Variants in PLEKHA6 observed in about 807,000 individuals in gnomAD.
The protein encoded by PLEKHA6 is pleckstrin homology domain-containing family A member 6.
In PLEKHA6, 60 loss-of-function variants were observed where a neutral mutation model predicts 116.7. The observed-to-expected ratio is 0.51, with a 90% confidence interval of 0.42 to 0.64. PLEKHA6 has a LOEUF of 0.64. Among genes scored for constraint, PLEKHA6 ranks in the 30% least tolerant of loss-of-function variants. PLEKHA6 has a pLI of 0.00. For missense variants in PLEKHA6, 1,338 were observed against 1,422.7 expected (o/e 0.94, Z 0.96); for synonymous variants, 489 against 556.1 (o/e 0.88, Z 1.70).
intron 1 of PLEKHA6, chr1:204,313,460 T>C (rs1400965191): frequency 3.5e-6 from 2 of 575,724 alleles, no homozygotes; most frequent in East Asian, 2.8e-4. Context: ...TCCCTGAACA[T>C]AGGGATGACC....
intron 5 of PLEKHA6, among the ~76,000 whole-genome samples, chr1:204,266,806 C>CA (rs1191304773): frequency 6.6e-6 from 1 of 152,202 alleles, no homozygotes; most frequent in African/African-American, 2.4e-5. Flanking sequence ...TCTCATCCCT[C>CA]ACGCCTATTT....
chr1:204,248,756 G>T (rs542565754), intron 12 of PLEKHA6, 65 bp downstream of exon 12: 3 of 1,466,470 alleles, frequency 2.0e-6, no homozygotes, highest in Non-Finnish European at 2.8e-6. Context: ...CACAAGCTGG[G>T]AGGTGGTGGC....
chr1:204,300,168 G>A (rs946358905), intron 1 of PLEKHA6, among the ~76,000 whole-genome samples: 5 of 152,134 alleles, frequency 3.3e-5, no homozygotes, highest in Non-Finnish European at 7.4e-5. Flanking sequence ...TGCTTCCTTT[G>A]ACTGTTTTTT....
intron 18 of PLEKHA6, 25 bp downstream of exon 18, chr1:204,230,388 C>T: frequency 6.5e-7 from 1 of 1,546,458 alleles, no homozygotes; most frequent in Non-Finnish European, 8.7e-7. Context: ...AGGCTCACGC[C>T]TGTGGGTAGC....
chr1:204,241,320 G>A (rs1662777285), intron 17 of PLEKHA6, 55 bp downstream of exon 17: 9 of 1,087,010 alleles, frequency 8.3e-6, no homozygotes, highest in Non-Finnish European at 1.3e-5. Flanking sequence ...TACACACACA[G>A]GCCCCTGGGC....
intron 9 of PLEKHA6, 59 bp from the exon 10 acceptor site, chr1:204,250,673 G>A (rs1664434557): frequency 8.7e-7 from 1 of 1,148,702 alleles, no homozygotes; most frequent in Non-Finnish European, 1.3e-6. Flanking sequence ...TGCAGGGATA[G>A]GAAGCTAACA....
At chr1:204,347,105 T>C in intron 1 of PLEKHA6, 1 of 1,231,994 alleles carries the variant, frequency 8.1e-7, no homozygotes, top group East Asian at 2.3e-5. Flanking sequence ...GTGTGGGGCA[T>C]TCCTTTTTGA....
At chr1:204,295,466 G>A (rs1014280904) in intron 1 of PLEKHA6, among the ~76,000 whole-genome samples, 8 of 150,326 alleles carry the variant, frequency 5.3e-5, no homozygotes, top group Admixed American at 4.0e-4. Flanking sequence ...CTCTAGCCTG[G>A]GTGACAGAGG....
rs1190556236 is a variant in PLEKHA6, at chr1:204,220,086, C to T, written c.*2702G>A. The stretch of plus-strand genomic sequence containing the variant: ...CAGGGCCAGGGATGGCCCAGAGGAT[C>T]CCAAGCCGCCTCCTCTGGGCTTCGC... On this transcript the variant is annotated 3_prime_UTR_variant, in exon 23 of 23. Transcript: ENST00000272203. 1.3e-5 allele frequency: 2 copies of T among 152,342 alleles called. No individual in the cohort carries two copies. The highest frequency in any genetic ancestry group is 3.9e-4 in the East Asian group (2 of 5,184). The allele number at this position is 152,342 out of a possible 1,614,324, so 9.4% of individuals were successfully genotyped here.
chr1:204,230,557 G>A lies in PLEKHA6; in HGVS notation c.2439C>T (p.Gly813=), dbSNP rs368955423. 28 of 1,604,228 alleles carry A rather than the reference G, an allele frequency of 1.7e-5. No homozygotes were observed. The highest frequency in any genetic ancestry group is 3.3e-4 in the Middle Eastern group (2 of 6,046). ...CCACGCTCATCTTGACCTTCCCCTC[G>A]CCAGGAAACACAGCACTCTTGGGGC... ...QERPKSAVFP[G]EGKVKMSVEE... Residue 813 remains glycine (G), a synonymous_variant, in exon 18 of 23, where the codon GGC becomes GGT. Coordinates refer to ENST00000272203, the MANE Select transcript of PLEKHA6 (RefSeq NM_014935.5).
intron 1 of PLEKHA6, among the ~76,000 whole-genome samples, chr1:204,287,737 A>T (rs1669344061): frequency 6.6e-6 from 1 of 152,066 alleles, no homozygotes; most frequent in Non-Finnish European, 1.5e-5. Context: ...AGAGAGGCCG[A>T]CGCTGCTTCT....
chr1:204,325,468 T>C (rs1476588912), intron 1 of PLEKHA6, among the ~76,000 whole-genome samples: 8 of 152,098 alleles, frequency 5.3e-5, no homozygotes, highest in Admixed American at 5.2e-4. Flanking sequence ...TAAATAAATA[T>C]CTGGTTTGAC....
At chr1:204,344,270 C>T (rs1004541020) in intron 1 of PLEKHA6, among the ~76,000 whole-genome samples, 3 of 152,170 alleles carry the variant, frequency 2.0e-5, no homozygotes, top group African/African-American at 7.2e-5. Context: ...ATAAACTCCT[C>T]TAAGCCGGCT....
chr1:204,274,317 A>C (rs78226562), intron 2 of PLEKHA6, among the ~76,000 whole-genome samples: 2,844 of 152,314 alleles, frequency 0.019, 97 homozygotes, highest in African/African-American at 0.066. Context: ...TTAGTGGCCT[A>C]TGAGAGTAGA....
intron 1 of PLEKHA6, among the ~76,000 whole-genome samples, chr1:204,321,070 G>T (rs1672045359): frequency 6.6e-6 from 1 of 152,112 alleles, no homozygotes; most frequent in South Asian, 2.1e-4. Flanking sequence ...CAAGGCTGTT[G>T]TTTCGGGTCA....
chr1:204,286,018 C>T (rs935043210), intron 1 of PLEKHA6, among the ~76,000 whole-genome samples: 5 of 152,014 alleles, frequency 3.3e-5, no homozygotes, highest in Non-Finnish European at 7.4e-5. Context: ...AGAGGAAGTA[C>T]CACCAAGGAC....
chr1:204,236,024 G>A (rs1462129384), intron 17 of PLEKHA6, among the ~76,000 whole-genome samples: 1 of 152,204 alleles, frequency 6.6e-6, no homozygotes, highest in Non-Finnish European at 1.5e-5. Flanking sequence ...GGTTGAGAGT[G>A]TGACCCATGA....
chr1:204,369,295 C>A (rs1160367575), intron 2 of PLEKHA6: 1 of 152,260 alleles, frequency 6.6e-6, no homozygotes, highest in Non-Finnish European at 1.5e-5. Context: ...CAGACAGGTT[C>A]ATCAACTGGC....
At chr1:204,234,954 TTATATATATATATATATATATA>T (rs61156938) in intron 17 of PLEKHA6, among the ~76,000 whole-genome samples, 252 of 18,664 alleles carry the variant, frequency 0.014, 7 homozygotes, top group East Asian at 0.019. Flanking sequence ...AAACTGCCCT[TTATATATATATATATATATATA>T]TATATATATA....
Sources: allele counts gnomAD v4.1 joint callset (sites outside exome capture counted in the v4.1 genomes callset), GRCh38; gene constraint gnomAD v4.1.1; transcripts MANE v1.5; gene names NCBI Gene and HGNC (gene_info 2026-07-23, HGNC 2026-07-21).